The following AGBL4 variants were observed in gnomAD, a reference collection of about 807,000 sequenced individuals.
AGBL4 encodes the protein AGBL carboxypeptidase 4, also known as cytosolic carboxypeptidase 6.
In AGBL4, 58 loss-of-function variants were observed where a neutral mutation model predicts 66.4. The observed-to-expected ratio is 0.87, with a 90% CI of 0.71 to 1.09. The LOEUF (loss-of-function observed/expected upper bound fraction) is 1.09, where lower values mean the gene tolerates loss of function less well. Ranked by LOEUF, AGBL4 falls within the 50% of genes least tolerant of loss-of-function variation. AGBL4 has a pLI of 0.00. For missense variants in AGBL4, 579 were observed against 631.0 expected (o/e 0.92, Z 0.88); for synonymous variants, 234 against 222.9 (o/e 1.05, Z -0.44).
intron 6 of AGBL4, among the ~76,000 whole-genome samples, chr1:48,813,503 G>A (rs1305720389): frequency 6.6e-6 from 1 of 152,158 alleles, no homozygotes; most frequent in Non-Finnish European, 1.5e-5. Context: ...GTGATTCCAG[G>A]CTCCCAGGAG....
chr1:49,340,542 T>C (rs1428073933), intron 3 of AGBL4, among the ~76,000 whole-genome samples: 2 of 152,218 alleles, frequency 1.3e-5, no homozygotes, highest in African/African-American at 4.8e-5. Flanking sequence ...CTTACTCAGG[T>C]CCTTACTCCA....
chr1:49,213,599 G>A (rs1217742565), intron 4 of AGBL4, among the ~76,000 whole-genome samples: 3 of 152,028 alleles, frequency 2.0e-5, no homozygotes, highest in African/African-American at 4.8e-5. Flanking sequence ...AGCAGTTGCT[G>A]GTGCTATGCT....
At chr1:49,736,946 A>G (rs557855623) in intron 2 of AGBL4, among the ~76,000 whole-genome samples, 2 of 152,328 alleles carry the variant, frequency 1.3e-5, no homozygotes, top group African/African-American at 4.8e-5. Context: ...AGAAATGCAA[A>G]TCAAAACCAC....
At chr1:49,659,246 C>G (rs1646219553) in intron 3 of AGBL4, among the ~76,000 whole-genome samples, 1 of 151,978 alleles carries the variant, frequency 6.6e-6, no homozygotes, top group African/African-American at 2.4e-5. Context: ...CATGAAGAAA[C>G]TACATAAACA....
chr1:48,900,690 A>G (rs1652000505), intron 5 of AGBL4, among the ~76,000 whole-genome samples: 1 of 152,224 alleles, frequency 6.6e-6, no homozygotes, highest in Non-Finnish European at 1.5e-5. Context: ...ATGGGGGAAA[A>G]TAAGAATTTT....
At chr1:49,485,532 C>T (rs1647048281) in intron 3 of AGBL4, among the ~76,000 whole-genome samples, 1 of 150,668 alleles carries the variant, frequency 6.6e-6, no homozygotes, top group Admixed American at 6.6e-5. Flanking sequence ...GGGTGCAGCA[C>T]ACCAACATGG....
At chr1:49,415,237 T>C (rs568056276) in intron 3 of AGBL4, among the ~76,000 whole-genome samples, 3 of 152,248 alleles carry the variant, frequency 2.0e-5, no homozygotes, top group African/African-American at 2.4e-5. Flanking sequence ...TTATATCTCC[T>C]ACTACATTTT....
In AGBL4 at chr1:49,739,403, T is replaced by C. The variant is rs558228422; in HGVS notation, c.158-41966A>G. Among the ~76,000 whole-genome samples the C allele has an allele frequency of 5.3e-5, 8 of 152,270 alleles. No homozygotes were observed. The South Asian group carries it at 1.7e-3, about 32-fold the overall frequency. ...AAAGCCTCCAAGAAATATGGCACTA[T>C]GTGAAAAGACCAAATCTACGTCTGA... On this transcript the variant is annotated intron_variant, in intron 2 of 13. Coordinates refer to ENST00000371839, the MANE Select transcript of AGBL4 (RefSeq NM_032785.4).
At position 49,917,243 on chromosome 1, in the gene AGBL4, C is replaced by T. The variant is rs1044043867; in HGVS notation, c.35-65725G>A. ...CAAATTCACACATAACAATATTAAC[C>T]TTAAATGTAAATGGAATAAATGCTC... On this transcript the variant is annotated intron_variant, in intron 1 of 13. Coordinates refer to ENST00000371839, the MANE Select transcript of AGBL4 (RefSeq NM_032785.4). Among the ~76,000 whole-genome samples the T allele has an allele frequency of 5.3e-5, 8 of 152,088 alleles. No individual in the cohort carries two copies. The East Asian group carries it at 7.7e-4, about 15-fold the overall frequency.
intron 3 of AGBL4, among the ~76,000 whole-genome samples, chr1:49,654,239 T>C (rs570557552): frequency 6.6e-6 from 1 of 152,188 alleles, no homozygotes; most frequent in Non-Finnish European, 1.5e-5. Flanking sequence ...CGGTTTTGAC[T>C]GAGTTTCTTA....
rs12029811 is a variant in AGBL4, at chr1:49,217,676, C to T, written c.377+28094G>A. On this transcript the variant is annotated intron_variant, in intron 4 of 13. Transcript: ENST00000371839. ...AAGATTGTGCCTGGAACATAATACA[C>T]ACTCAATAAAAGATGGTTGAATGAG... Among the ~76,000 whole-genome samples the T allele has an allele frequency of 7.7e-3, 1,179 of 152,256 alleles. 9 individuals are homozygous for T. The highest frequency in any genetic ancestry group is 0.027 in the Middle Eastern group (8 of 294).
chr1:49,147,869 C>A (rs1646250089), intron 4 of AGBL4, among the ~76,000 whole-genome samples: 1 of 152,070 alleles, frequency 6.6e-6, no homozygotes, highest in East Asian at 1.9e-4. Context: ...AGGTCTTAGG[C>A]TGGGGGAGAG....
intron 4 of AGBL4, among the ~76,000 whole-genome samples, chr1:49,079,202 T>C (rs1452191329): frequency 2.0e-5 from 3 of 152,202 alleles, no homozygotes; most frequent in African/African-American, 4.8e-5. Context: ...AAGAATACAT[T>C]TGGAGCCAGC....
At chr1:49,938,532 G>A (rs1654362179) in intron 1 of AGBL4, among the ~76,000 whole-genome samples, 1 of 152,122 alleles carries the variant, frequency 6.6e-6, no homozygotes, top group African/African-American at 2.4e-5. Context: ...GCCGGGCAGA[G>A]ACACAACCAA....
chr1:49,786,390 G>T (rs907217926), intron 2 of AGBL4, among the ~76,000 whole-genome samples: 1 of 151,904 alleles, frequency 6.6e-6, no homozygotes, highest in Non-Finnish European at 1.5e-5. Flanking sequence ...TGGGTCTCTG[G>T]GACAAACACT....
chr1:49,853,026 T>C (rs187443318), intron 1 of AGBL4, among the ~76,000 whole-genome samples: 1 of 152,258 alleles, frequency 6.6e-6, no homozygotes, highest in Non-Finnish European at 1.5e-5. Context: ...ACAAATAATA[T>C]TTGTAAGTAC....
intron 3 of AGBL4, among the ~76,000 whole-genome samples, chr1:49,449,096 G>T (rs1167377544): frequency 6.6e-6 from 1 of 151,828 alleles, no homozygotes; most frequent in African/African-American, 2.4e-5. Flanking sequence ...TACATATATA[G>T]ATATAAATAC....
At chr1:49,819,208 C>T (rs1296044827) in intron 2 of AGBL4, among the ~76,000 whole-genome samples, 2 of 152,034 alleles carry the variant, frequency 1.3e-5, no homozygotes, top group Non-Finnish European at 2.9e-5. Flanking sequence ...ATAGACGTGG[C>T]CATATGACAC....
chr1:49,627,685 A>AT (rs1230564900), intron 3 of AGBL4, among the ~76,000 whole-genome samples: 2 of 152,072 alleles, frequency 1.3e-5, no homozygotes, highest in East Asian at 1.9e-4. Flanking sequence ...GGTACCATAT[A>AT]TTTTTTGCTT....
Sources: allele counts gnomAD v4.1 joint callset (sites outside exome capture counted in the v4.1 genomes callset), GRCh38; gene constraint gnomAD v4.1.1; transcripts MANE v1.5; gene names NCBI Gene and HGNC (gene_info 2026-07-23, HGNC 2026-07-21).